USP31: variants seen among roughly 807,000 people sequenced by gnomAD.
USP31 encodes the protein ubiquitin specific peptidase 31.
In USP31, 44 loss-of-function variants were observed where a neutral mutation model predicts 119.4. The observed-to-expected ratio is 0.37, with a 90% confidence interval of 0.29 to 0.47. USP31 has a LOEUF of 0.47. Among genes scored for constraint, USP31 ranks in the 20% least tolerant of loss-of-function variants. USP31 has a pLI of 0.99. For missense variants in USP31, 1,643 were observed against 1,730.2 expected (o/e 0.95, Z 0.89); for synonymous variants, 749 against 705.6 (o/e 1.06, Z -0.97).
At chr16:23,125,189 G>C (rs185751756) in intron 1 of USP31, among the ~76,000 whole-genome samples, 14 of 152,162 alleles carry the variant, frequency 9.2e-5, no homozygotes, top group Non-Finnish European at 1.3e-4. Flanking sequence ...TAAACACCAC[G>C]ATCTGTGAGG....
chr16:23,070,060 TAC>T lies in USP31; in HGVS notation c.2489-446_2489-445del, dbSNP rs570037204. On this transcript the variant is annotated intron_variant, in intron 15 of 15. Transcript: ENST00000219689. ...GTGGGCTGTATTTGGCCTATGGGGC[TAC>T]AGTTTGCTGACCTCTGGTCTAACTC... Among the ~76,000 whole-genome samples, 74 of 152,342 alleles carry T rather than the reference TAC, an allele frequency of 4.9e-4. 1 individual carries two copies. In the South Asian group the frequency reaches 5.8e-3, roughly 12 times the overall value.
chr16:23,107,910 A>T, intron 2 of USP31, 136 bp downstream of exon 2: 1 of 1,054,624 alleles, frequency 9.5e-7, no homozygotes. Flanking sequence ...AATGTCCTTT[A>T]AGTAGCCACT....
intron 1 of USP31, among the ~76,000 whole-genome samples, chr16:23,114,671 T>G (rs1448364404): frequency 6.6e-6 from 1 of 152,164 alleles, no homozygotes; most frequent in Non-Finnish European, 1.5e-5. Context: ...ACTGCTGTGT[T>G]CTAAGGCAGA....
At chr16:23,086,037 G>A (rs138076533) in intron 9 of USP31, among the ~76,000 whole-genome samples, 20 of 152,080 alleles carry the variant, frequency 1.3e-4, no homozygotes, top group African/African-American at 4.6e-4. Context: ...GAACAAAGTC[G>A]CCCCTTGCAC....
At chr16:23,125,867 A>C (rs1902834798) in intron 1 of USP31, among the ~76,000 whole-genome samples, 1 of 152,360 alleles carries the variant, frequency 6.6e-6, no homozygotes. Context: ...TCAAATAAAG[A>C]AAGCGTTGAA....
intron 1 of USP31, among the ~76,000 whole-genome samples, chr16:23,148,091 C>T (rs1355947686): frequency 4.6e-5 from 7 of 152,140 alleles, no homozygotes; most frequent in East Asian, 1.9e-4. Context: ...AAGTATTTTA[C>T]TTATCAGGTT....
At chr16:23,112,633 C>T (rs986104809) in intron 1 of USP31, among the ~76,000 whole-genome samples, 6 of 152,012 alleles carry the variant, frequency 3.9e-5, no homozygotes, top group African/African-American at 7.3e-5. Flanking sequence ...AATGGTTTGG[C>T]TTATGGCCTT....
At chr16:23,105,732 C>T (rs1902072814) in intron 4 of USP31, among the ~76,000 whole-genome samples, 156 bp from the exon 5 acceptor site, 1 of 152,130 alleles carries the variant, frequency 6.6e-6, no homozygotes, top group Non-Finnish European at 1.5e-5. Flanking sequence ...TGGCTCTAAG[C>T]AGAACTGTCA....
intron 1 of USP31, among the ~76,000 whole-genome samples, chr16:23,125,680 G>A (rs949324374): frequency 3.3e-5 from 5 of 152,122 alleles, no homozygotes; most frequent in African/African-American, 1.2e-4. Context: ...ATGACACAAA[G>A]ACTCTAAAAT....
In USP31 at chr16:23,065,205, T is replaced by TGCTCTAATC. The variant is rs1900016139; in HGVS notation, c.*2832_*2840dup. 2 of 151,988 alleles carry TGCTCTAATC rather than the reference T, an allele frequency of 1.3e-5. No homozygotes were observed. The highest frequency in any genetic ancestry group is 4.2e-4 in the South Asian group (2 of 4,818). 9.4% of individuals were successfully genotyped at this position (151,988 alleles called of 1,614,324 possible). A position where few individuals can be genotyped will look rare whatever the true frequency, so the allele number is the denominator to read the frequency against. On this transcript the variant is annotated 3_prime_UTR_variant, in exon 16 of 16. Transcript: ENST00000219689. Reference sequence around the variant, plus strand: ...TATTTTGTGCCTACCAGGAGATGACTGCTCTAATCAGGCCCATCTAGATGT... The same window carrying TGCTCTAATC: ...TATTTTGTGCCTACCAGGAGATGACTGCTCTAATCGCTCTAATCAGGCCCATCTAGATGT...
chr16:23,070,711 TAA>T (rs34018986), intron 15 of USP31, among the ~76,000 whole-genome samples: 99 of 146,138 alleles, frequency 6.8e-4, no homozygotes, highest in Admixed American at 6.8e-4. Flanking sequence ...AGACTCCGTT[TAA>T]AAAAAAAAAA....
chr16:23,112,317 G>A (rs1415049061), intron 1 of USP31, among the ~76,000 whole-genome samples: 2 of 151,992 alleles, frequency 1.3e-5, no homozygotes, highest in African/African-American at 4.8e-5. Flanking sequence ...GGTGGCTCAC[G>A]CCTGTAATCC....
chr16:23,104,684 G>A (rs139247335), intron 5 of USP31, among the ~76,000 whole-genome samples: 32 of 152,206 alleles, frequency 2.1e-4, no homozygotes, highest in African/African-American at 7.7e-4. Context: ...ATTATTCCAG[G>A]GATTACACAG....
intron 1 of USP31, among the ~76,000 whole-genome samples, chr16:23,110,987 G>A (rs1902297543): frequency 6.6e-6 from 1 of 152,182 alleles, no homozygotes; most frequent in East Asian, 1.9e-4. Flanking sequence ...AATTAGCCAG[G>A]CGTGGTGGTG....
At chr16:23,104,221 T>G (rs996833141) in intron 5 of USP31, among the ~76,000 whole-genome samples, 4 of 152,190 alleles carry the variant, frequency 2.6e-5, no homozygotes, top group African/African-American at 9.7e-5. Context: ...GGTGGTATAT[T>G]CCACAAATAG....
intron 1 of USP31, among the ~76,000 whole-genome samples, chr16:23,109,378 C>G (rs1902231089): frequency 6.6e-6 from 1 of 152,016 alleles, no homozygotes; most frequent in Non-Finnish European, 1.5e-5. Context: ...ACAGCCAAAG[C>G]TGGAACAATC....
intron 1 of USP31, among the ~76,000 whole-genome samples, chr16:23,115,055 C>G (rs895801728): frequency 6.6e-6 from 1 of 152,174 alleles, no homozygotes; most frequent in South Asian, 2.1e-4. Flanking sequence ...CAAGAGGCAA[C>G]TCACTGAACC....
chr16:23,110,544 A>ACT (rs1163681233), intron 1 of USP31, among the ~76,000 whole-genome samples: 1 of 152,194 alleles, frequency 6.6e-6, no homozygotes, highest in African/African-American at 2.4e-5. Flanking sequence ...ATGAAACAGT[A>ACT]AAGTCAGAGG....
chr16:23,068,470 T>A lies in USP31; in HGVS notation c.3635A>T (p.Lys1212Met). Residue 1212 changes from lysine (K) to methionine (M), a missense_variant, in exon 16 of 16, where the codon AAG becomes ATG. By Grantham distance (95) the Lys-to-Met change is moderately conservative. This residue lies in a region of USP31 where 699 missense variants were observed against 650.9 expected (regional missense o/e 1.07). Transcript: ENST00000219689. ...ASLRSPSTSI[K>M]SGLKRDSKSE... ...CTTGCTGTCCCTCTTCAAACCAGAC[T>A]TGATGCTTGTGCTGGGGGAGCGCAG... 1 of 1,613,506 alleles carries A rather than the reference T, an allele frequency of 6.2e-7. No homozygotes were observed. Among genetic ancestry groups the A allele is most frequent in the South Asian group, 1.1e-5 (1 of 91,066 alleles).
Sources: gnomAD v4.1 joint callset for allele counts (sites outside exome capture counted in the v4.1 genomes callset) on GRCh38, gnomAD v4.1.1 for gene constraint, gnomAD v4.1.1 regional missense constraint, MANE v1.5 for transcripts, NCBI Gene and HGNC (gene_info 2026-07-23, HGNC 2026-07-21) for gene names.